The following TRPC4 variants were observed in gnomAD, a reference collection of about 807,000 sequenced individuals.
TRPC4 encodes the protein transient receptor potential cation channel subfamily C member 4, also known as short transient receptor potential channel 4.
Under a neutral mutation model 99.4 loss-of-function variants are expected in TRPC4, and 49 were observed. The ratio of observed to expected loss-of-function variants is 0.49; its 90% CI spans 0.39 to 0.63. TRPC4 has a LOEUF of 0.63. Ranked by LOEUF, TRPC4 falls within the 20% of genes least tolerant of loss-of-function variation. The pLI is 0.00. For missense variants in TRPC4, 898 were observed against 1,152.9 expected (o/e 0.78, Z 3.20); for synonymous variants, 454 against 425.9 (o/e 1.07, Z -0.81).
intron 2 of TRPC4, among the ~76,000 whole-genome samples, chr13:37,754,214 T>A (rs942967414): frequency 5.9e-5 from 9 of 152,072 alleles, no homozygotes; most frequent in Non-Finnish European, 1.3e-4. Flanking sequence ...TCTCAATCCC[T>A]CTCCTTTGCT....
chr13:37,747,185 C>T (rs924577512), intron 2 of TRPC4, among the ~76,000 whole-genome samples: 1 of 152,112 alleles, frequency 6.6e-6, no homozygotes, highest in Non-Finnish European at 1.5e-5. Context: ...GGGTTATACT[C>T]TAGGGATGGT....
At chr13:37,745,911 G>T in intron 3 of TRPC4, 26 bp downstream of exon 3, 1 of 1,587,622 alleles carries the variant, frequency 6.3e-7, no homozygotes, top group East Asian at 2.2e-5. Flanking sequence ...ATGGCATTTT[G>T]ATGGATCAAG....
intron 2 of TRPC4, among the ~76,000 whole-genome samples, chr13:37,756,974 G>A (rs536553826): frequency 2.5e-3 from 383 of 152,062 alleles, no homozygotes; most frequent in Non-Finnish European, 4.1e-3. Context: ...TGTGTGCCAT[G>A]GATTTCTTTG....
chr13:37,750,326 A>C (rs2139185326), intron 2 of TRPC4, among the ~76,000 whole-genome samples: 1 of 152,120 alleles, frequency 6.6e-6, no homozygotes, highest in Middle Eastern at 3.4e-3. Context: ...ATGTATGTTG[A>C]TTTTGTTTCT....
At chr13:37,732,966 A>AAAAAC (rs994846824) in intron 3 of TRPC4, among the ~76,000 whole-genome samples, 3 of 152,200 alleles carry the variant, frequency 2.0e-5, no homozygotes, top group East Asian at 1.9e-4. Flanking sequence ...ATAGGAAATG[A>AAAAAC]AAAACAAAAC....
At chr13:37,690,840 T>A (rs2138870514) in intron 4 of TRPC4, among the ~76,000 whole-genome samples, 1 of 152,252 alleles carries the variant, frequency 6.6e-6, no homozygotes, top group East Asian at 1.9e-4. Flanking sequence ...GATGTCATTT[T>A]AGTTTCTTCA....
At chr13:37,645,560 C>G (rs1280845310) in intron 8 of TRPC4, among the ~76,000 whole-genome samples, 1 of 152,158 alleles carries the variant, frequency 6.6e-6, no homozygotes, top group Non-Finnish European at 1.5e-5. Flanking sequence ...CTTTGCTTTG[C>G]TCCTTGAATT....
At chr13:37,800,774 T>C (rs914230293) in intron 1 of TRPC4, among the ~76,000 whole-genome samples, 7 of 151,854 alleles carry the variant, frequency 4.6e-5, no homozygotes, top group Admixed American at 4.6e-4. Flanking sequence ...TAAACTGATA[T>C]AAACCATAAA....
intron 1 of TRPC4, among the ~76,000 whole-genome samples, chr13:37,816,164 G>A (rs145641425): frequency 1.7e-4 from 26 of 151,644 alleles, no homozygotes; most frequent in Admixed American, 6.6e-4. Context: ...GAAATATGTC[G>A]AATTCATGGA....
At position 37,648,231 on chromosome 13, in the gene TRPC4, G is replaced by A. The variant is rs917694864; in HGVS notation, c.2079+3034C>T. Among the ~76,000 whole-genome samples the A allele has an allele frequency of 2.5e-4, 38 of 152,094 alleles. 1 individual carries two copies. The highest frequency in any genetic ancestry group is 2.6e-4 in the Admixed American group (4 of 15,262). On this transcript the variant is annotated intron_variant, in intron 8 of 10. Coordinates refer to ENST00000379705, the MANE Select transcript of TRPC4 (RefSeq NM_016179.4). ...GCTGGGATTACAGGTGTGAGCCGCC[G>A]CACCCAGCGTTTCTTATACTTTTAT... is the stretch of plus-strand genomic sequence containing the variant.
chr13:37,763,642 G>A (rs918489428), intron 2 of TRPC4, among the ~76,000 whole-genome samples: 1 of 151,580 alleles, frequency 6.6e-6, no homozygotes, highest in Non-Finnish European at 1.5e-5. Flanking sequence ...GCATACAATA[G>A]GCAGAGATTG....
intron 3 of TRPC4, among the ~76,000 whole-genome samples, chr13:37,714,079 T>A (rs1954578230): frequency 1.3e-5 from 2 of 151,114 alleles, no homozygotes; most frequent in South Asian, 2.1e-4. Context: ...CTCCCTCCCT[T>A]TCTCCCTTTC....
chr13:37,691,818 G>A (rs190064882), intron 4 of TRPC4, among the ~76,000 whole-genome samples, 181 bp downstream of exon 4: 2 of 152,302 alleles, frequency 1.3e-5, no homozygotes, highest in East Asian at 3.9e-4. Flanking sequence ...GATTTTGTAA[G>A]CGGGTCCACC....
chr13:37,724,595 A>C (rs1368351721), intron 3 of TRPC4, among the ~76,000 whole-genome samples: 1 of 136,164 alleles, frequency 7.3e-6, no homozygotes, highest in African/African-American at 2.4e-5. Flanking sequence ...ACACTATATA[A>C]GCGGTTTTTT....
chr13:37,859,303 G>GA, intron 1 of TRPC4, among the ~76,000 whole-genome samples: 1 of 151,216 alleles, frequency 6.6e-6, no homozygotes, highest in African/African-American at 2.4e-5. Context: ...TCTTAAGAAG[G>GA]AAAAAATGAA....
chr13:37,685,512 C>T (rs1953437617), intron 4 of TRPC4, among the ~76,000 whole-genome samples: 1 of 152,130 alleles, frequency 6.6e-6, no homozygotes, highest in African/African-American at 2.4e-5. Flanking sequence ...AATTACTCAG[C>T]ACAGTGCCTA....
intron 1 of TRPC4, among the ~76,000 whole-genome samples, chr13:37,837,443 C>G (rs1958597093): frequency 6.6e-6 from 1 of 152,238 alleles, no homozygotes. Context: ...CCATGGGAAC[C>G]CACCTCTTAC....
intron 4 of TRPC4, among the ~76,000 whole-genome samples, chr13:37,675,581 T>C (rs1036738906): frequency 1.3e-5 from 2 of 152,164 alleles, no homozygotes; most frequent in Non-Finnish European, 2.9e-5. Context: ...AGAGGCACAG[T>C]GTCCTCTCCA....
intron 1 of TRPC4, among the ~76,000 whole-genome samples, chr13:37,823,326 T>A (rs1158365777): frequency 4.0e-5 from 6 of 151,726 alleles, no homozygotes; most frequent in Non-Finnish European, 8.8e-5. Context: ...TTTTGGTGTT[T>A]TAGATATGAA....
Sources: allele counts gnomAD v4.1 joint callset (sites outside exome capture counted in the v4.1 genomes callset), GRCh38; gene constraint gnomAD v4.1.1; transcripts MANE v1.5; gene names NCBI Gene and HGNC (gene_info 2026-07-23, HGNC 2026-07-21).